Variants in EYA4 observed in about 807,000 individuals in gnomAD.
EYA4 encodes the protein protein phosphatase EYA4.
EYA4 carries 31 observed loss-of-function variants against 87.9 expected under a neutral mutation model. That is an observed-to-expected ratio of 0.35 (90% CI 0.27 to 0.48). The LOEUF is 0.48. EYA4 is among the 20% of genes least tolerant of loss of function. The pLI is 0.99. For missense variants in EYA4, 678 were observed against 761.4 expected (o/e 0.89, Z 1.29); for synonymous variants, 263 against 270.6 (o/e 0.97, Z 0.28).
At chr6:133,359,144 T>G (rs528813200) in intron 2 of EYA4, among the ~76,000 whole-genome samples, 1 of 152,322 alleles carries the variant, frequency 6.6e-6, no homozygotes, top group East Asian at 1.9e-4. Flanking sequence ...TTATAAAACA[T>G]ATTTATAGCT....
intron 1 of EYA4, among the ~76,000 whole-genome samples, chr6:133,254,562 G>A (rs1435181223): frequency 6.6e-6 from 1 of 152,146 alleles, no homozygotes; most frequent in African/African-American, 2.4e-5. Context: ...AGGGGGGAAA[G>A]TCTTCCTATG....
intron 2 of EYA4, among the ~76,000 whole-genome samples, chr6:133,277,589 T>C (rs764948420): frequency 6.6e-6 from 1 of 152,212 alleles, no homozygotes; most frequent in Non-Finnish European, 1.5e-5. Context: ...ACCTGAGATA[T>C]TCAGATGCTC....
chr6:133,298,195 A>C (rs186824225), intron 2 of EYA4, among the ~76,000 whole-genome samples: 1 of 151,872 alleles, frequency 6.6e-6, no homozygotes, highest in Admixed American at 6.6e-5. Flanking sequence ...CCTGAAGCCA[A>C]CTCCTGTGCC....
At chr6:133,326,769 G>A (rs972960145) in intron 2 of EYA4, among the ~76,000 whole-genome samples, 2 of 152,214 alleles carry the variant, frequency 1.3e-5, no homozygotes, top group African/African-American at 4.8e-5. Context: ...CTGAAGTGCT[G>A]CTCTTAATGG....
At chr6:133,343,304 C>T (rs1397298115) in intron 2 of EYA4, among the ~76,000 whole-genome samples, 1 of 152,276 alleles carries the variant, frequency 6.6e-6, no homozygotes, top group East Asian at 1.9e-4. Context: ...CTTTCTTTTA[C>T]TTTAGATTGA....
chr6:133,297,863 A>C (rs556609069), intron 2 of EYA4, among the ~76,000 whole-genome samples: 7 of 152,288 alleles, frequency 4.6e-5, no homozygotes, highest in Middle Eastern at 3.4e-3. Context: ...TTCACCAGCT[A>C]TGTGGGGTGG....
chr6:133,501,399 A>G (rs1043790816), intron 13 of EYA4, among the ~76,000 whole-genome samples: 8 of 152,086 alleles, frequency 5.3e-5, no homozygotes, highest in African/African-American at 7.2e-5. Flanking sequence ...TGTCTAATAC[A>G]TAATTAGTCA....
At chr6:133,415,684 A>T (rs1789653538) in intron 3 of EYA4, among the ~76,000 whole-genome samples, 1 of 152,206 alleles carries the variant, frequency 6.6e-6, no homozygotes, top group Non-Finnish European at 1.5e-5. Context: ...GTTATTAAAG[A>T]TGTGGGGTTA....
At chr6:133,437,638 G>T (rs759314268) in intron 3 of EYA4, among the ~76,000 whole-genome samples, 12 of 152,182 alleles carry the variant, frequency 7.9e-5, no homozygotes, top group Non-Finnish European at 5.9e-5. Context: ...AAGAGGCTTA[G>T]TTGACTTACA....
At chr6:133,521,984 AG>A (rs1314817906) in intron 17 of EYA4, among the ~76,000 whole-genome samples, 1 of 87,146 alleles carries the variant, frequency 1.1e-5, no homozygotes, top group East Asian at 4.1e-4. Context: ...GGGAGGGGGG[AG>A]GGATAGCATT....
At chr6:133,319,392 T>C (rs998655691) in intron 2 of EYA4, among the ~76,000 whole-genome samples, 1 of 152,218 alleles carries the variant, frequency 6.6e-6, no homozygotes, top group African/African-American at 2.4e-5. Flanking sequence ...CGCCTTTTTT[T>C]CTTACTTCAT....
intron 13 of EYA4, among the ~76,000 whole-genome samples, chr6:133,484,814 A>G (rs1796550609): frequency 6.6e-6 from 1 of 152,226 alleles, no homozygotes; most frequent in African/African-American, 2.4e-5. Context: ...AGTCACCATG[A>G]GGTGTTACAC....
At chr6:133,446,906 T>A (rs895318891) in intron 4 of EYA4, 152 bp downstream of exon 4, 12 of 881,242 alleles carry the variant, frequency 1.4e-5, no homozygotes, top group Non-Finnish European at 1.9e-5. Context: ...TTGATTGTTT[T>A]GATGATTTTC....
At chr6:133,256,903 A>AT (rs1775380342) in intron 1 of EYA4, among the ~76,000 whole-genome samples, 1 of 152,138 alleles carries the variant, frequency 6.6e-6, no homozygotes, top group Admixed American at 6.6e-5. Flanking sequence ...AACTCAGAAT[A>AT]GCTAATGTAT....
chr6:133,337,870 G>A (rs1261022112), intron 2 of EYA4, among the ~76,000 whole-genome samples: 3 of 152,148 alleles, frequency 2.0e-5, no homozygotes, highest in Non-Finnish European at 4.4e-5. Flanking sequence ...TTACGCTGCC[G>A]ATGTCAGCAC....
intron 2 of EYA4, among the ~76,000 whole-genome samples, chr6:133,289,389 T>C (rs1778310605): frequency 6.6e-6 from 1 of 152,202 alleles, no homozygotes; most frequent in Admixed American, 6.5e-5. Flanking sequence ...TAGCCATTGT[T>C]ATAAAAAAAT....
chr6:133,469,042 G>C (rs1405441723), intron 11 of EYA4, among the ~76,000 whole-genome samples: 2 of 151,988 alleles, frequency 1.3e-5, no homozygotes, highest in Non-Finnish European at 2.9e-5. Context: ...CCTTATGACT[G>C]ATATTATTTC....
chr6:133,294,023 T>TTATATATATATATATATATATATA (rs71771244), intron 2 of EYA4, among the ~76,000 whole-genome samples: 18 of 78,766 alleles, frequency 2.3e-4, no homozygotes, highest in Admixed American at 7.0e-4. Flanking sequence ...TAGGGTGATT[T>TTATATATATATATATATATATATA]TATATATATA....
At position 133,274,825 on chromosome 6, in the gene EYA4, T is replaced by C. The variant is rs759940308; in HGVS notation, c.33+12T>C. The C allele has an allele frequency of 4.3e-6, 7 of 1,612,734 alleles. No homozygotes were observed. Among genetic ancestry groups the C allele is most frequent in the Non-Finnish European group, 5.9e-6 (7 of 1,178,904 alleles). On this transcript the variant is annotated intron_variant, in intron 2 of 19. Coordinates refer to ENST00000355286, the MANE Select transcript of EYA4 (RefSeq NM_004100.5). ...TAAATGAACAATCAGTAAGTCTTCATTCTCAGTTTTGCTGAAAAAAGTTGC... is the reference window on the plus strand; with the variant it reads ...TAAATGAACAATCAGTAAGTCTTCACTCTCAGTTTTGCTGAAAAAAGTTGC...
Sources: allele counts gnomAD v4.1 joint callset (sites outside exome capture counted in the v4.1 genomes callset), GRCh38; gene constraint gnomAD v4.1.1; transcripts MANE v1.5; gene names NCBI Gene and HGNC (gene_info 2026-07-23, HGNC 2026-07-21).